Variants in RIC8B observed in about 807,000 individuals in gnomAD.
RIC8B encodes RIC8 guanine nucleotide exchange factor B.
A neutral mutation model predicts 57.5 loss-of-function variants in RIC8B; 16 were observed. That is an observed-to-expected ratio of 0.28 (90% CI 0.19 to 0.42). The LOEUF (loss-of-function observed/expected upper bound fraction) is 0.42. Among genes scored for constraint, RIC8B ranks in the 10% least tolerant of loss-of-function variants. The pLI is 1.00. For synonymous variants in RIC8B, 216 were observed against 250.8 expected, an observed-to-expected ratio of 0.86 and a Z score of 1.31; for missense variants, 481 against 677.0, an observed-to-expected ratio of 0.71 and a Z score of 3.21.
chr12:106,882,668 T>C (rs760243628), intron 9 of RIC8B, among the ~76,000 whole-genome samples: 4 of 152,144 alleles, frequency 2.6e-5, no homozygotes, highest in Admixed American at 6.6e-5. Flanking sequence ...TTTTTTTTCT[T>C]TCCATGACAT....
chr12:106,776,014 C>G (rs11113112), intron 1 of RIC8B, among the ~76,000 whole-genome samples: 2 of 152,130 alleles, frequency 1.3e-5, no homozygotes, highest in African/African-American at 4.8e-5. Context: ...GCTGAATTCC[C>G]GTTTAATCTT....
At chr12:106,835,970 G>A (rs2046580992) in intron 4 of RIC8B, among the ~76,000 whole-genome samples, 1 of 152,162 alleles carries the variant, frequency 6.6e-6, no homozygotes, top group South Asian at 2.1e-4. Context: ...GTAACTATCT[G>A]ATTCCTCTAC....
chr12:106,784,023 A>G lies in RIC8B; in HGVS notation c.111A>G (p.Ser37=), dbSNP rs1352620607. 2 of 1,613,902 alleles carry G rather than the reference A, an allele frequency of 1.2e-6. No individual in the cohort carries two copies. Among genetic ancestry groups the G allele is most frequent in the South Asian group, 2.2e-5 (2 of 91,046 alleles). ...ATAGGGCTACTTTCAAATTTGAATC[A>G]ACAGATGAAGATAAAAGAAAGGTAA... ...DKHRATFKFE[S]TDEDKRKKLC... The change falls in exon 2 of 10, where the codon TCA becomes TCG. Residue 37 remains serine (S), a synonymous_variant. Transcript: ENST00000392837.
chr12:106,822,102 G>GAA, intron 3 of RIC8B, among the ~76,000 whole-genome samples: 1 of 91,772 alleles, frequency 1.1e-5, no homozygotes, highest in Non-Finnish European at 2.3e-5. Flanking sequence ...AAAAAAAAAA[G>GAA]AAGAAAAAAA....
At chr12:106,839,927 A>G (rs1566116396) in intron 4 of RIC8B, among the ~76,000 whole-genome samples, 1 of 152,044 alleles carries the variant, frequency 6.6e-6, no homozygotes, top group Non-Finnish European at 1.5e-5. Flanking sequence ...CTGAGGTGGG[A>G]GGATCATTTG....
chr12:106,887,575 TAGACTC>T lies in RIC8B; in HGVS notation c.*1561_*1566del, dbSNP rs1951233035. ...GAGAGATCTTCAAGAATATCACTCTTAGACTCTGAACTGAAATTTGCATACGCTTCC... is the reference window on the plus strand; with the variant it reads ...GAGAGATCTTCAAGAATATCACTCTTTGAACTGAAATTTGCATACGCTTCC... On this transcript the variant is annotated 3_prime_UTR_variant, in exon 10 of 10. Transcript: ENST00000392837. 2.6e-5 allele frequency: 4 copies of T among 152,308 alleles called. No individual in the cohort carries two copies. In the South Asian group the frequency reaches 8.3e-4, roughly 32 times the overall value. The allele number at this position is 152,308 out of a possible 1,614,324, so 9.4% of individuals were successfully genotyped here.
intron 6 of RIC8B, among the ~76,000 whole-genome samples, chr12:106,844,169 A>T (rs1027433456): frequency 6.6e-6 from 1 of 152,216 alleles, no homozygotes; most frequent in Non-Finnish European, 1.5e-5. Flanking sequence ...GCATTGAACA[A>T]CAGATGAAGT....
At chr12:106,861,107 C>A (rs928617726) in intron 8 of RIC8B, among the ~76,000 whole-genome samples, 1 of 152,074 alleles carries the variant, frequency 6.6e-6, no homozygotes, top group Non-Finnish European at 1.5e-5. Flanking sequence ...ACTCGTAACC[C>A]TCAACCCATG....
intron 9 of RIC8B, among the ~76,000 whole-genome samples, chr12:106,872,838 C>T (rs1434598074): frequency 1.3e-5 from 2 of 152,142 alleles, no homozygotes; most frequent in Non-Finnish European, 2.9e-5. Flanking sequence ...ACACAAATGC[C>T]ATTTAACTGG....
Position 106,783,981 on chromosome 12 carries a change from C to CTTTT in RIC8B, c.85-13_85-10dup. The CTTTT allele has an allele frequency of 3.1e-6, 5 of 1,610,748 alleles. No individual in the cohort carries two copies. The highest frequency in any genetic ancestry group is 4.2e-6 in the Non-Finnish European group (5 of 1,178,028). ...ATGTATTTAAAATGACATTGTTTCC[C>CTTTT]TTTTTTCCCCCTCAGCATAGGGCTA... On this transcript the variant is annotated splice_polypyrimidine_tract_variant and intron_variant, in intron 1 of 9. Transcript: ENST00000392837.
At chr12:106,883,589 C>A (rs1488019212) in intron 9 of RIC8B, among the ~76,000 whole-genome samples, 1 of 152,062 alleles carries the variant, frequency 6.6e-6, no homozygotes, top group African/African-American at 2.4e-5. Flanking sequence ...CTACTTACTA[C>A]TCTCATTCTC....
intron 2 of RIC8B, among the ~76,000 whole-genome samples, chr12:106,788,214 G>A (rs964579921): frequency 4.6e-5 from 7 of 152,170 alleles, no homozygotes; most frequent in African/African-American, 1.4e-4. Flanking sequence ...TCTAGGTCAC[G>A]GTGATTCAAG....
rs189502059 is a variant in RIC8B at position 106,872,971 on chromosome 12, A to G, written c.1571+2029A>G. ...CTAATAGAGGAACTACCATTTCATAAGGCATCTCTATCACAGGCACAGAAA... is the reference window on the plus strand; with the variant it reads ...CTAATAGAGGAACTACCATTTCATAGGGCATCTCTATCACAGGCACAGAAA... On this transcript the variant is annotated intron_variant, in intron 9 of 9. Coordinates refer to ENST00000392837, the MANE Select transcript of RIC8B (RefSeq NM_001330145.2). The G allele has an allele frequency of 2.9e-5, 27 of 936,406 alleles. No individual in the cohort carries two copies. The East Asian group carries it at 2.4e-3, about 85-fold the overall frequency. The allele number at this position is 936,406 out of a possible 1,614,324, so 58.0% of individuals were successfully genotyped here.
At chr12:106,801,251 G>T (rs926662252) in intron 2 of RIC8B, among the ~76,000 whole-genome samples, 13 of 152,140 alleles carry the variant, frequency 8.5e-5, no homozygotes, top group African/African-American at 2.4e-5. Flanking sequence ...AACTTTTCTT[G>T]TCAAGAAAGA....
In RIC8B at chr12:106,887,258, TTAA is replaced by T. The variant is rs1398189677; in HGVS notation, c.*1244_*1246del. ...AACCACTGCCTTTTAAAACTTTAAATTAAATAAAACATTGGGGTTGATTCAATT... is the reference window on the plus strand; with the variant it reads ...AACCACTGCCTTTTAAAACTTTAAATATAAAACATTGGGGTTGATTCAATT... On this transcript the variant is annotated 3_prime_UTR_variant, in exon 10 of 10. Coordinates refer to ENST00000392837, the MANE Select transcript of RIC8B (RefSeq NM_001330145.2). 6.6e-6 allele frequency: 1 copy of T among 152,550 alleles called. No homozygotes were observed. Among genetic ancestry groups the T allele is most frequent in the Non-Finnish European group, 1.5e-5 (1 of 67,986 alleles). The allele number at this position is 152,550 out of a possible 1,614,324, so 9.4% of individuals were successfully genotyped here. A position where few individuals can be genotyped will look rare whatever the true frequency, so the allele number is the denominator to read the frequency against.
At chr12:106,812,002 G>A (rs767996943) in intron 2 of RIC8B, among the ~76,000 whole-genome samples, 2 of 151,116 alleles carry the variant, frequency 1.3e-5, no homozygotes, top group South Asian at 2.1e-4. Flanking sequence ...AGAAATTATT[G>A]TATTGAGTAA....
At chr12:106,883,591 CTCAT>C (rs1227468315) in intron 9 of RIC8B, among the ~76,000 whole-genome samples, 1 of 152,114 alleles carries the variant, frequency 6.6e-6, no homozygotes, top group Non-Finnish European at 1.5e-5. Context: ...ACTTACTACT[CTCAT>C]TCTCCAACCC....
chr12:106,875,585 C>T (rs537335613), intron 9 of RIC8B, among the ~76,000 whole-genome samples: 51 of 152,252 alleles, frequency 3.3e-4, no homozygotes, highest in Middle Eastern at 3.4e-3. Flanking sequence ...TCTCTAATCC[C>T]CTTTAGTTTC....
At chr12:106,811,443 G>C (rs892409029) in intron 2 of RIC8B, among the ~76,000 whole-genome samples, 27 of 152,198 alleles carry the variant, frequency 1.8e-4, no homozygotes, top group Admixed American at 1.8e-3. Flanking sequence ...TAGGGATGAG[G>C]TGCAACAGTC....
Sources: allele counts gnomAD v4.1 joint callset (sites outside exome capture counted in the v4.1 genomes callset), GRCh38; gene constraint gnomAD v4.1.1; transcripts MANE v1.5; gene names NCBI Gene and HGNC (gene_info 2026-07-23, HGNC 2026-07-21).